Variants in GPR174 observed in about 807,000 individuals in gnomAD.
GPR174 encodes the protein probable G protein-coupled receptor 174.
In GPR174, 8 loss-of-function variants were observed where a neutral mutation model predicts 16.5. That is an observed-to-expected ratio of 0.48 (90% CI 0.28 to 0.87). GPR174 has a LOEUF of 0.87. Among genes scored for constraint, GPR174 ranks in the 40% least tolerant of loss-of-function variants. The pLI is 0.09. For synonymous variants in GPR174, 111 were observed against 94.8 expected (o/e 1.17, Z -0.99); for missense variants, 214 against 247.5 (o/e 0.86, Z 0.91).
At chrX:79,169,105 A>T in intron 2 of GPR174, among the ~76,000 whole-genome samples, 1 of 112,081 alleles carries the variant, frequency 8.9e-6, no homozygotes, top group Non-Finnish European at 1.9e-5. Context: ...TGGCTGAAAA[A>T]TTAGCATGCT....
At chrX:79,147,740 G>A (rs1569278163) in intron 1 of GPR174, among the ~76,000 whole-genome samples, 1 of 110,848 alleles carries the variant, frequency 9.0e-6, no homozygotes, top group Non-Finnish European at 1.9e-5. Flanking sequence ...AGACATATGC[G>A]GTTGATCAAC....
At chrX:79,152,416 A>G (rs1355576606) in intron 1 of GPR174, among the ~76,000 whole-genome samples, 1 of 111,666 alleles carries the variant, frequency 9.0e-6, no homozygotes, top group Non-Finnish European at 1.9e-5. Context: ...ATTAACTGGA[A>G]TCTAATCGCA....
intron 2 of GPR174, among the ~76,000 whole-genome samples, chrX:79,166,488 G>A (rs1921374113): frequency 1.2e-5 from 1 of 85,197 alleles, no homozygotes; most frequent in African/African-American, 4.6e-5. Flanking sequence ...CGCCAGGCTG[G>A]AGTGCAGTGG....
At chrX:79,148,990 C>T (rs991029864) in intron 1 of GPR174, among the ~76,000 whole-genome samples, 1 of 111,326 alleles carries the variant, frequency 9.0e-6, no homozygotes, top group Admixed American at 9.6e-5. Flanking sequence ...AGTGTCAGGC[C>T]AAATGGTGTG....
At chrX:79,156,155 G>T (rs6652676) in intron 1 of GPR174, among the ~76,000 whole-genome samples, 1 of 111,960 alleles carries the variant, frequency 8.9e-6, no homozygotes, top group Non-Finnish European at 1.9e-5. Flanking sequence ...TTAAAGGATT[G>T]AATCCATAAT....
intron 2 of GPR174, among the ~76,000 whole-genome samples, chrX:79,158,513 G>A (rs1398031056): frequency 2.0e-5 from 2 of 99,197 alleles, no homozygotes; most frequent in Non-Finnish European, 4.0e-5. Context: ...ACGCAATCTC[G>A]GCTCACTGCA....
intron 2 of GPR174, among the ~76,000 whole-genome samples, chrX:79,168,202 C>T (rs931744958): frequency 3.6e-5 from 4 of 111,925 alleles, no homozygotes; most frequent in Non-Finnish European, 7.5e-5. Flanking sequence ...TACGTGCACA[C>T]AGCTGTTCAG....
chrX:79,153,667 T>G (rs753017700), intron 1 of GPR174, among the ~76,000 whole-genome samples: 7 of 111,971 alleles, frequency 6.3e-5, no homozygotes, highest in African/African-American at 2.3e-4. Context: ...ACACTGGTAT[T>G]TGATGTAAAA....
At chrX:79,151,634 T>C (rs1415269949) in intron 1 of GPR174, among the ~76,000 whole-genome samples, 1 of 111,885 alleles carries the variant, frequency 8.9e-6, no homozygotes, top group Admixed American at 9.5e-5. Context: ...TGTACCCATT[T>C]CAAAACAGGC....
Position 79,172,613 on chromosome X carries a change from A to G in GPR174, c.*604A>G, listed in dbSNP as rs1055548234. 1 of 112,147 alleles carries G rather than the reference A, an allele frequency of 8.9e-6. No homozygotes were observed. The highest frequency in any genetic ancestry group is 2.8e-4 in the East Asian group (1 of 3,578). The allele number at this position is 112,147 out of a possible 1,213,427, so 9.2% of individuals were successfully genotyped here. ...GTCAACATGAAACATCATTTGTCAC[A>G]CCTGTTCACAGAATGAAAATCTGAA... On this transcript the variant is annotated 3_prime_UTR_variant, in exon 3 of 3. Coordinates refer to ENST00000645147, the MANE Select transcript of GPR174 (RefSeq NM_032553.3).
At chrX:79,168,625 C>T (rs779684831) in intron 2 of GPR174, among the ~76,000 whole-genome samples, 4 of 109,757 alleles carry the variant, frequency 3.6e-5, no homozygotes, top group Non-Finnish European at 7.6e-5. Flanking sequence ...CGCTTGAGCC[C>T]AAGAGTTCCA....
chrX:79,145,915 G>A (rs180917884), intron 1 of GPR174, among the ~76,000 whole-genome samples: 1 of 111,302 alleles, frequency 9.0e-6, no homozygotes, highest in East Asian at 2.8e-4. Flanking sequence ...CTCTATTTAC[G>A]ATAGTAAGTA....
rs1921112398 is a variant in GPR174 at position 79,156,916 on chromosome X, C to A, written c.-559C>A. 8.9e-6 allele frequency: 1 copy of A among 112,206 alleles called. No homozygotes were observed. The highest frequency in any genetic ancestry group is 1.9e-5 in the Non-Finnish European group (1 of 53,235). 9.2% of individuals were successfully genotyped at this position (112,206 alleles called of 1,213,427 possible). A position where few individuals can be genotyped will look rare whatever the true frequency, so the allele number is the denominator to read the frequency against. ...GTTCCATCAGCACCGAAGAAAACAGCAGGTAGTCAAATACAGTCTTGACTT... is the reference window on the plus strand; with the variant it reads ...GTTCCATCAGCACCGAAGAAAACAGAAGGTAGTCAAATACAGTCTTGACTT... On this transcript the variant is annotated splice_region_variant and 5_prime_UTR_variant, in exon 2 of 3. Transcript: ENST00000645147.
intron 1 of GPR174, among the ~76,000 whole-genome samples, chrX:79,152,337 T>C (rs1231171204): frequency 1.9e-5 from 2 of 103,632 alleles, no homozygotes; most frequent in Non-Finnish European, 4.1e-5. Flanking sequence ...GTGAGTAAGC[T>C]TTTTCCTTAG....
rs1438762052 is a variant in GPR174 at position 79,173,704 on chromosome X, T to C, written c.*1695T>C. On this transcript the variant is annotated 3_prime_UTR_variant, in exon 3 of 3. Transcript: ENST00000645147. ...TTTTACACATATGTTGTTATTAAGA[T>C]AATACCCTATTAGAAAACTGACTTT... 1 of 112,419 alleles carries C rather than the reference T, an allele frequency of 8.9e-6. No individual in the cohort carries two copies. The highest frequency in any genetic ancestry group is 1.9e-5 in the Non-Finnish European group (1 of 53,230). 9.3% of individuals were successfully genotyped at this position (112,419 alleles called of 1,213,427 possible).
intron 2 of GPR174, among the ~76,000 whole-genome samples, chrX:79,158,671 T>C (rs1275372890): frequency 9.3e-6 from 1 of 106,963 alleles, no homozygotes; most frequent in Non-Finnish European, 1.9e-5. Context: ...CTCGATCTCT[T>C]GACCTCGTGA....
Position 79,157,949 on chromosome X carries a change from C to A in GPR174, c.-557+1031C>A, listed in dbSNP as rs192418280. On this transcript the variant is annotated intron_variant, in intron 2 of 2. Coordinates refer to ENST00000645147, the MANE Select transcript of GPR174 (RefSeq NM_032553.3). ...ACCATTGTAGCATTATGTTATACTTCGGACCAGGAGGTCAGAGTTCTACCA... is the reference window on the plus strand; with the variant it reads ...ACCATTGTAGCATTATGTTATACTTAGGACCAGGAGGTCAGAGTTCTACCA... Among the ~76,000 whole-genome samples the A allele has an allele frequency of 1.5e-4, 16 of 109,096 alleles. No individual in the cohort carries two copies. In the South Asian group the frequency reaches 1.6e-3, roughly 11 times the overall value. The allele number at this position is 109,096 out of a possible 115,157, so 94.7% of individuals were successfully genotyped here.
chrX:79,171,773 G>A lies in GPR174; in HGVS notation c.766G>A (p.Val256Met). The part of the protein sequence containing the change: ...YHFSFPLDFL[V>M]KSNEIKSCLA... ...TTTCAGTTTTCCTTTAGATTTCCTG[G>A]TGAAGTCCAATGAAATTAAAAGCTG... Residue 256 changes from valine (V) to methionine (M), a missense_variant, in exon 3 of 3, where the codon GTG becomes ATG. Coordinates refer to ENST00000645147, the MANE Select transcript of GPR174 (RefSeq NM_032553.3). The A allele has an allele frequency of 8.3e-7, 1 of 1,210,734 alleles. No individual in the cohort carries two copies. The highest frequency in any genetic ancestry group is 3.0e-5 in the East Asian group (1 of 33,815).
In GPR174 at chrX:79,172,929, T is replaced by C. The variant is rs1921555028; in HGVS notation, c.*920T>C. On this transcript the variant is annotated 3_prime_UTR_variant, in exon 3 of 3. Coordinates refer to ENST00000645147, the MANE Select transcript of GPR174 (RefSeq NM_032553.3). ...ATACATTGAGGTAATGTTGACAGGT[T>C]CCTGCACTTTCTGAGCCTGTGGAAG... 8.9e-6 allele frequency: 1 copy of C among 112,214 alleles called. No individual in the cohort carries two copies. Among genetic ancestry groups the C allele is most frequent in the African/African-American group, 3.2e-5 (1 of 30,874 alleles). 9.2% of individuals were successfully genotyped at this position (112,214 alleles called of 1,213,427 possible). A position where few individuals can be genotyped will look rare whatever the true frequency, so the allele number is the denominator to read the frequency against.
Sources: allele counts gnomAD v4.1 joint callset (sites outside exome capture counted in the v4.1 genomes callset), GRCh38; gene constraint gnomAD v4.1.1; transcripts MANE v1.5; gene names NCBI Gene and HGNC (gene_info 2026-07-23, HGNC 2026-07-21).